Variants in CNTNAP2 observed in about 807,000 individuals in gnomAD.
The protein encoded by CNTNAP2 is contactin-associated protein-like 2.
CNTNAP2 carries 98 observed loss-of-function variants against 155.2 expected under a neutral mutation model. The ratio of observed to expected loss-of-function variants is 0.63; its 90% CI spans 0.54 to 0.75. The LOEUF (loss-of-function observed/expected upper bound fraction) is 0.75. Among genes scored for constraint, CNTNAP2 ranks in the 30% least tolerant of loss-of-function variants. The pLI, the probability that CNTNAP2 is intolerant of heterozygous loss-of-function variation, is 0.00. For missense variants in CNTNAP2, 1,727 were observed against 1,688.1 expected, an observed-to-expected ratio of 1.02 and a Z score of -0.40; for synonymous variants, 651 against 631.2, an observed-to-expected ratio of 1.03 and a Z score of -0.47.
At position 147,628,331 on chromosome 7, in the gene CNTNAP2, C is replaced by T. The variant is rs184472190; in HGVS notation, c.1898-10775C>T. Among the ~76,000 whole-genome samples the T allele has an allele frequency of 6.6e-4, 101 of 152,258 alleles. 1 individual carries two copies. Among genetic ancestry groups the T allele is most frequent in the African/African-American group, 2.4e-3 (98 of 41,538 alleles). On this transcript the variant is annotated intron_variant, in intron 12 of 23. Transcript: ENST00000361727. Reference sequence around the variant, plus strand: ...GAAAGAATTGGGGTGTCATCTTTAGCCTTCTGAAACAAAATAATTGTCAGC... The same window carrying T: ...GAAAGAATTGGGGTGTCATCTTTAGTCTTCTGAAACAAAATAATTGTCAGC...
intron 9 of CNTNAP2, among the ~76,000 whole-genome samples, chr7:147,329,302 A>G (rs945480410): frequency 7.2e-5 from 11 of 152,116 alleles, no homozygotes; most frequent in African/African-American, 2.4e-4. Context: ...TAACATTCTT[A>G]TAAGTTATAC....
chr7:147,436,353 G>T (rs1797547346), intron 10 of CNTNAP2, among the ~76,000 whole-genome samples: 2 of 151,938 alleles, frequency 1.3e-5, no homozygotes, highest in South Asian at 2.1e-4. Context: ...ATTTATTCCA[G>T]AAATTTTAAA....
chr7:148,252,818 C>A (rs1015514689), intron 20 of CNTNAP2, among the ~76,000 whole-genome samples: 4 of 152,020 alleles, frequency 2.6e-5, no homozygotes, highest in African/African-American at 9.7e-5. Flanking sequence ...AGGTCTCCCC[C>A]ACTATTATAT....
rs75126790 is a variant in CNTNAP2 at position 148,034,404 on chromosome 7, C to A, written c.2383+56415C>A. Among the ~76,000 whole-genome samples, 382 of 152,230 alleles carry A rather than the reference C, an allele frequency of 2.5e-3. 2 individuals are homozygous for A. Among genetic ancestry groups the A allele is most frequent in the African/African-American group, 9.0e-3 (373 of 41,528 alleles). On this transcript the variant is annotated intron_variant, in intron 15 of 23. Coordinates refer to ENST00000361727, the MANE Select transcript of CNTNAP2 (RefSeq NM_014141.6). ...AGGTGTTTGGGTCATAAGGGCACCA[C>A]TCTCATGAAGGGATTGATGCTGTTA...
chr7:146,366,101 T>C (rs1451094314), intron 1 of CNTNAP2, among the ~76,000 whole-genome samples: 1 of 152,136 alleles, frequency 6.6e-6, no homozygotes, highest in Non-Finnish European at 1.5e-5. Flanking sequence ...TGGATATAGA[T>C]AGATATGTAT....
chr7:147,744,237 C>T (rs1917616), intron 13 of CNTNAP2, among the ~76,000 whole-genome samples: 1,668 of 152,244 alleles, frequency 0.011, 93 homozygotes, highest in Admixed American at 0.087. Flanking sequence ...TATGAGCCAT[C>T]TGCCCCTTTT....
rs779117439 is a variant in CNTNAP2, at chr7:147,121,187, G to T, written c.939+24G>T. The T allele has an allele frequency of 4.3e-6, 7 of 1,609,610 alleles. No individual in the cohort carries two copies. In the South Asian group the frequency reaches 7.7e-5, roughly 18 times the overall value. Reference sequence around the variant, plus strand: ...AGGTACATGTGATGACGTAGAAATTGTAATAAAATGTCAAGCAATTGTGTC... The same window carrying T: ...AGGTACATGTGATGACGTAGAAATTTTAATAAAATGTCAAGCAATTGTGTC... On this transcript the variant is annotated intron_variant, in intron 6 of 23. Coordinates refer to ENST00000361727, the MANE Select transcript of CNTNAP2 (RefSeq NM_014141.6).
chr7:147,565,197 A>G (rs1221849686), intron 12 of CNTNAP2, among the ~76,000 whole-genome samples: 4 of 152,168 alleles, frequency 2.6e-5, no homozygotes, highest in Admixed American at 6.5e-5. Context: ...GAAATGAGCC[A>G]TATAAATCAA....
At chr7:147,777,574 A>G (rs2116549495) in intron 13 of CNTNAP2, among the ~76,000 whole-genome samples, 1 of 152,194 alleles carries the variant, frequency 6.6e-6, no homozygotes, top group Middle Eastern at 3.4e-3. Flanking sequence ...TCCCTCTCCT[A>G]CTGACTTCAA....
At chr7:146,198,090 A>G (rs930427959) in intron 1 of CNTNAP2, among the ~76,000 whole-genome samples, 1 of 152,028 alleles carries the variant, frequency 6.6e-6, no homozygotes, top group Non-Finnish European at 1.5e-5. Flanking sequence ...CCATGATCCA[A>G]TCACCTCCCA....
At chr7:146,822,741 AT>A (rs1035643222) in intron 2 of CNTNAP2, among the ~76,000 whole-genome samples, 7 of 146,940 alleles carry the variant, frequency 4.8e-5, no homozygotes, top group Non-Finnish European at 1.0e-4. Context: ...AAGTATATAT[AT>A]TTAAGTGTAT....
intron 3 of CNTNAP2, among the ~76,000 whole-genome samples, chr7:146,984,787 A>T (rs1238499539): frequency 6.6e-6 from 1 of 152,064 alleles, no homozygotes; most frequent in African/African-American, 2.4e-5. Context: ...TGGCTCTCCC[A>T]TTGTCCCTGT....
rs183649450 is a variant in CNTNAP2, at chr7:146,705,201, A to T, written c.98-69070A>T. ...GTGCCTCAGTATATTAACTTGCATC[A>T]TCAGTTTGAATAGGGCAGACTCTTA... On this transcript the variant is annotated intron_variant, in intron 1 of 23. Transcript: ENST00000361727. 3.9e-5 allele frequency among the ~76,000 whole-genome samples: 6 copies of T among 152,256 alleles called. No homozygotes were observed. In the East Asian group the frequency reaches 1.2e-3, roughly 29 times the overall value.
At chr7:146,185,189 A>C (rs2116842523) in intron 1 of CNTNAP2, among the ~76,000 whole-genome samples, 1 of 152,272 alleles carries the variant, frequency 6.6e-6, no homozygotes, top group Non-Finnish European at 1.5e-5. Context: ...ATGTAGAGTA[A>C]GCTATCCTGT....
At chr7:146,778,144 A>G (rs1028562626) in intron 2 of CNTNAP2, among the ~76,000 whole-genome samples, 2 of 152,212 alleles carry the variant, frequency 1.3e-5, no homozygotes, top group Non-Finnish European at 2.9e-5. Flanking sequence ...AAATGCAGAA[A>G]AGAACAAATT....
intron 1 of CNTNAP2, among the ~76,000 whole-genome samples, chr7:146,741,906 G>T (rs1023196260): frequency 6.6e-6 from 1 of 151,830 alleles, no homozygotes; most frequent in Admixed American, 6.6e-5. Flanking sequence ...AAATTGGAAG[G>T]AAAAAACCCT....
intron 9 of CNTNAP2, among the ~76,000 whole-genome samples, chr7:147,353,546 T>C (rs1476167576): frequency 6.6e-6 from 1 of 152,156 alleles, no homozygotes; most frequent in African/African-American, 2.4e-5. Flanking sequence ...CAGTCTATCA[T>C]TGATGGGCAT....
intron 1 of CNTNAP2, among the ~76,000 whole-genome samples, chr7:146,497,275 A>G (rs1192794239): frequency 2.0e-5 from 3 of 152,134 alleles, no homozygotes; most frequent in African/African-American, 7.2e-5. Flanking sequence ...TAAATTTCCC[A>G]TTTCTGAAAA....
chr7:146,827,023 A>G (rs1803418379), intron 2 of CNTNAP2, among the ~76,000 whole-genome samples: 1 of 151,906 alleles, frequency 6.6e-6, no homozygotes, highest in Non-Finnish European at 1.5e-5. Flanking sequence ...ATTTTTTTCA[A>G]TTACAATTCA....
Sources: gnomAD v4.1 joint callset for allele counts (sites outside exome capture counted in the v4.1 genomes callset) on GRCh38, gnomAD v4.1.1 for gene constraint, MANE v1.5 for transcripts, NCBI Gene and HGNC (gene_info 2026-07-23, HGNC 2026-07-21) for gene names.